GPD1L: variants seen among roughly 807,000 people sequenced by gnomAD.
GPD1L encodes the protein glycerol-3-phosphate dehydrogenase 1 like, also known as glycerol-3-phosphate dehydrogenase 1-like protein.
A neutral mutation model predicts 32.9 loss-of-function variants in GPD1L; 17 were observed. The observed-to-expected ratio is 0.52, with a 90% CI of 0.35 to 0.78. The LOEUF (loss-of-function observed/expected upper bound fraction) is 0.78. Ranked by LOEUF, GPD1L falls within the 30% of genes least tolerant of loss-of-function variation. GPD1L has a pLI of 0.01. For synonymous variants in GPD1L, 187 were observed against 165.9 expected (o/e 1.13, Z -0.98); for missense variants, 361 against 447.8 (o/e 0.81, Z 1.75).
chr3:32,140,753 T>C (rs1011968265), intron 4 of GPD1L, among the ~76,000 whole-genome samples: 4 of 152,292 alleles, frequency 2.6e-5, no homozygotes, highest in Admixed American at 6.5e-5. Context: ...TGGATCCTCA[T>C]TGATTCCAGT....
chr3:32,161,635 A>C (rs1367304007), intron 7 of GPD1L, among the ~76,000 whole-genome samples: 3 of 152,206 alleles, frequency 2.0e-5, no homozygotes, highest in African/African-American at 7.2e-5. Flanking sequence ...GCTGGGCATT[A>C]GCCTGTTAGC....
chr3:32,154,987 A>C (rs1051307835), intron 5 of GPD1L, among the ~76,000 whole-genome samples: 2 of 152,062 alleles, frequency 1.3e-5, no homozygotes, highest in African/African-American at 4.8e-5. Context: ...GAGCTCAAGC[A>C]ATCCACCCAC....
intron 1 of GPD1L, among the ~76,000 whole-genome samples, chr3:32,121,781 A>AT (rs201737759): frequency 0.065 from 8,740 of 133,610 alleles, 319 homozygotes; most frequent in Middle Eastern, 0.11. Flanking sequence ...ATATATATAT[A>AT]TTTTTTTTAG....
At chr3:32,131,113 G>A (rs537280466) in intron 2 of GPD1L, among the ~76,000 whole-genome samples, 115 of 152,178 alleles carry the variant, frequency 7.6e-4, no homozygotes, top group African/African-American at 2.6e-3. Context: ...TATTTCCAGA[G>A]CCTGTGTTTG....
chr3:32,125,250 C>G (rs1440317312), intron 1 of GPD1L, among the ~76,000 whole-genome samples: 1 of 152,176 alleles, frequency 6.6e-6, no homozygotes, highest in Admixed American at 6.5e-5. Flanking sequence ...CTAGTTGTGT[C>G]AAAGATGCTG....
chr3:32,126,494 A>G (rs1041690672), intron 1 of GPD1L, among the ~76,000 whole-genome samples: 2 of 152,214 alleles, frequency 1.3e-5, no homozygotes, highest in African/African-American at 4.8e-5. Flanking sequence ...GATGCCAGGG[A>G]ACACTGTGAA....
chr3:32,120,924 G>C (rs1482088384), intron 1 of GPD1L, among the ~76,000 whole-genome samples: 1 of 152,142 alleles, frequency 6.6e-6, no homozygotes, highest in Non-Finnish European at 1.5e-5. Context: ...AATGGCAAAG[G>C]GTTAGCTGGG....
chr3:32,144,450 G>C (rs977131093), intron 4 of GPD1L, among the ~76,000 whole-genome samples: 2 of 152,202 alleles, frequency 1.3e-5, no homozygotes, highest in Admixed American at 1.3e-4. Context: ...TATGGAACTT[G>C]TAAGCACACA....
intron 4 of GPD1L, among the ~76,000 whole-genome samples, chr3:32,142,962 A>C (rs1261032106): frequency 1.3e-5 from 2 of 152,112 alleles, no homozygotes; most frequent in Admixed American, 1.3e-4. Flanking sequence ...GGATCTTCTG[A>C]GGCCAAGAGT....
In GPD1L at chr3:32,146,611, C is replaced by G. The variant is rs759311617; in HGVS notation, c.506-11C>G. On this transcript the variant is annotated splice_polypyrimidine_tract_variant and intron_variant, in intron 4 of 7. Coordinates refer to ENST00000282541, the MANE Select transcript of GPD1L (RefSeq NM_015141.4). ...TGTTATTAATATCCTTGTTGTCTAA[C>G]CTTTCAACAGGCAGCAAAGTAATGG... The G allele has an allele frequency of 6.6e-7, 1 of 1,515,170 alleles. No individual in the cohort carries two copies. The highest frequency in any genetic ancestry group is 1.1e-5 in the South Asian group (1 of 88,984). The allele number at this position is 1,515,170 out of a possible 1,614,324, so 93.9% of individuals were successfully genotyped here.
At chr3:32,163,359 G>A (rs939462588) in intron 7 of GPD1L, among the ~76,000 whole-genome samples, 1 of 151,672 alleles carries the variant, frequency 6.6e-6, no homozygotes, top group Non-Finnish European at 1.5e-5. Context: ...TAGTAGAGAC[G>A]GGGTTTCACT....
rs1011671754 is a variant in GPD1L, at chr3:32,167,407, C to T, written c.*1497C>T. 3 of 152,612 alleles carry T rather than the reference C, an allele frequency of 2.0e-5. No homozygotes were observed. The highest frequency in any genetic ancestry group is 4.4e-5 in the Non-Finnish European group (3 of 68,036). The allele number at this position is 152,612 out of a possible 1,614,324, so 9.5% of individuals were successfully genotyped here. A position where few individuals can be genotyped will look rare whatever the true frequency, so the allele number is the denominator to read the frequency against. On this transcript the variant is annotated 3_prime_UTR_variant, in exon 8 of 8. Coordinates refer to ENST00000282541, the MANE Select transcript of GPD1L (RefSeq NM_015141.4). ...CTTAGGATCACTCAAGTAGACCCTTCACTCCCTGCGAGAAATTAGGATGAA... is the reference window on the plus strand; with the variant it reads ...CTTAGGATCACTCAAGTAGACCCTTTACTCCCTGCGAGAAATTAGGATGAA...
intron 7 of GPD1L, among the ~76,000 whole-genome samples, chr3:32,165,345 G>T (rs112142841): frequency 0.022 from 2,583 of 120,004 alleles, 37 homozygotes; most frequent in South Asian, 0.067. Flanking sequence ...CTAATCGTGG[G>T]TCCTCACTCG....
chr3:32,155,117 G>T (rs1170966757), intron 5 of GPD1L, among the ~76,000 whole-genome samples: 2 of 152,192 alleles, frequency 1.3e-5, no homozygotes, highest in Non-Finnish European at 2.9e-5. Flanking sequence ...GGTCAGGCAG[G>T]TCTTTTTGAC....
At chr3:32,124,479 G>A (rs561385966) in intron 1 of GPD1L, among the ~76,000 whole-genome samples, 32 of 152,198 alleles carry the variant, frequency 2.1e-4, no homozygotes, top group Admixed American at 5.9e-4. Flanking sequence ...AAATGAAACT[G>A]CTCTTTCACA....
Position 32,165,923 on chromosome 3 carries a change from A to G in GPD1L, c.*13A>G, listed in dbSNP as rs1001612250. On this transcript the variant is annotated 3_prime_UTR_variant, in exon 8 of 8. Transcript: ENST00000282541. Reference sequence around the variant, plus strand: ...AGAGCATACATAAAGTGAATCATGCAACGTGTTGGGGGAAGTTCTGCCTTT... The same window carrying G: ...AGAGCATACATAAAGTGAATCATGCGACGTGTTGGGGGAAGTTCTGCCTTT... 2 of 1,422,938 alleles carry G rather than the reference A, an allele frequency of 1.4e-6. No homozygotes were observed. The allele number at this position is 1,422,938 out of a possible 1,614,324, so 88.1% of individuals were successfully genotyped here.
At chr3:32,108,070 A>G (rs926082058) in intron 1 of GPD1L, among the ~76,000 whole-genome samples, 1 of 152,200 alleles carries the variant, frequency 6.6e-6, no homozygotes, top group Admixed American at 6.5e-5. Flanking sequence ...TTTTAAAACC[A>G]TAATGATATT....
At chr3:32,155,622 A>G (rs1297789019) in intron 5 of GPD1L, among the ~76,000 whole-genome samples, 4 of 152,174 alleles carry the variant, frequency 2.6e-5, no homozygotes, top group African/African-American at 9.7e-5. Context: ...GGCAACTTCA[A>G]TAAAACCACT....
chr3:32,162,876 A>C (rs34730555), intron 7 of GPD1L, among the ~76,000 whole-genome samples: 60,234 of 151,872 alleles, frequency 0.4, 13,074 homozygotes, highest in East Asian at 0.6. Context: ...CTCTTGCCTC[A>C]GCCTCTCCAG....
Sources: allele counts gnomAD v4.1 joint callset (sites outside exome capture counted in the v4.1 genomes callset), GRCh38; gene constraint gnomAD v4.1.1; transcripts MANE v1.5; gene names NCBI Gene and HGNC (gene_info 2026-07-23, HGNC 2026-07-21).